TENM2: variants seen among roughly 807,000 people sequenced by gnomAD.
TENM2 encodes teneurin transmembrane protein 2, also known as teneurin-2.
TENM2 carries 52 observed loss-of-function variants against 245.2 expected under a neutral mutation model. That is an observed-to-expected ratio of 0.21 (90% confidence interval 0.17 to 0.27). The LOEUF is 0.27. Ranked by LOEUF, TENM2 falls within the 10% of genes least tolerant of loss-of-function variation. The probability of loss-of-function intolerance (pLI) is 1.00; values close to 1 mark genes in which losing one functional copy is unlikely to be tolerated. For missense variants in TENM2, 3,046 were observed against 3,666.8 expected, an observed-to-expected ratio of 0.83 and a Z score of 4.37; for synonymous variants, 1,363 against 1,438.9, an observed-to-expected ratio of 0.95 and a Z score of 1.19.
the TENM2 span, among the ~76,000 whole-genome samples, chr5:167,195,541 T>C: frequency 6.6e-6 from 1 of 152,018 alleles, no homozygotes; most frequent in African/African-American, 2.4e-5. Flanking sequence ...TGTACATGAA[T>C]AACGTGTTTC....
At chr5:167,131,459 G>A in the TENM2 span, among the ~76,000 whole-genome samples, 28 of 152,184 alleles carry the variant, frequency 1.8e-4, no homozygotes, top group Admixed American at 3.3e-4. Context: ...CTAGGGCTTT[G>A]ACGGAGGACA....
In TENM2 at chr5:167,321,800, T is replaced by TTTTTTTGG. The variant is rs1467480814; in HGVS notation, c.226+36738_226+36739insTTTTTGGT. Among the ~76,000 whole-genome samples the TTTTTTTGG allele has an allele frequency of 1.6e-3, 19 of 12,178 alleles. 2 individuals are homozygous for TTTTTTTGG. Among genetic ancestry groups the TTTTTTTGG allele is most frequent in the Non-Finnish European group, 2.4e-3 (14 of 5,814 alleles). The allele number at this position is 12,178 out of a possible 152,430, so 8.0% of individuals were successfully genotyped here. ...GCCTTGGCTTATTTTTTTTTTTTTT[T>TTTTTTTGG]TGGGGGGGGGGGCGGGGGGGGGGGT... On this transcript the variant is annotated intron_variant, in intron 1 of 28. Transcript: ENST00000518659.
chr5:167,357,630 T>G (rs189988987), intron 1 of TENM2, among the ~76,000 whole-genome samples: 1 of 152,288 alleles, frequency 6.6e-6, no homozygotes, highest in Non-Finnish European at 1.5e-5. Flanking sequence ...AAACTCAATA[T>G]AGTCACCACA....
the TENM2 span, among the ~76,000 whole-genome samples, chr5:167,182,254 AT>A: frequency 1.8e-4 from 28 of 151,572 alleles, no homozygotes; most frequent in South Asian, 6.3e-4. Context: ...ATTTATAATG[AT>A]TTTTTTTTCT....
chr5:167,724,948 T>C (rs993517016), intron 2 of TENM2, among the ~76,000 whole-genome samples: 1 of 152,170 alleles, frequency 6.6e-6, no homozygotes, highest in African/African-American at 2.4e-5. Context: ...CTTACCACTC[T>C]TCCTGGCACC....
chr5:168,070,705 C>G (rs1214582803), intron 7 of TENM2, among the ~76,000 whole-genome samples: 1 of 150,964 alleles, frequency 6.6e-6, no homozygotes, highest in Non-Finnish European at 1.5e-5. Flanking sequence ...GGGAGGATTG[C>G]TTGAGCCCAG....
intron 2 of TENM2, among the ~76,000 whole-genome samples, chr5:167,854,233 T>G (rs1168707531): frequency 6.6e-6 from 1 of 152,138 alleles, no homozygotes; most frequent in East Asian, 1.9e-4. Flanking sequence ...CCTCCCTAAA[T>G]TAACTGTGCC....
chr5:167,026,573 A>G, the TENM2 span, among the ~76,000 whole-genome samples: 2 of 152,136 alleles, frequency 1.3e-5, no homozygotes, highest in Non-Finnish European at 1.5e-5. Context: ...ATCCGTTTCA[A>G]TGTTAAATCT....
chr5:167,397,787 C>G (rs772461787), intron 2 of TENM2, among the ~76,000 whole-genome samples: 4 of 152,144 alleles, frequency 2.6e-5, no homozygotes, highest in Non-Finnish European at 1.5e-5. Flanking sequence ...TCTTTGTTTG[C>G]TTCTCTGAAA....
chr5:167,848,176 G>T (rs1770227033), intron 2 of TENM2, among the ~76,000 whole-genome samples: 1 of 152,160 alleles, frequency 6.6e-6, no homozygotes, highest in Admixed American at 6.5e-5. Flanking sequence ...GGCTGAGTAG[G>T]TCATGAGAGC....
intron 4 of TENM2, among the ~76,000 whole-genome samples, chr5:167,984,253 T>C (rs1562015337): frequency 1.3e-5 from 2 of 152,204 alleles, no homozygotes; most frequent in Non-Finnish European, 2.9e-5. Flanking sequence ...ATAATCATGA[T>C]GATGACAATG....
chr5:167,781,345 A>T (rs998700739), intron 2 of TENM2, among the ~76,000 whole-genome samples: 3 of 152,214 alleles, frequency 2.0e-5, no homozygotes, highest in African/African-American at 7.2e-5. Context: ...AGTGATGCAA[A>T]ATTTCCAAAT....
At chr5:168,116,983 G>A (rs1414162040) in intron 9 of TENM2, among the ~76,000 whole-genome samples, 1 of 152,196 alleles carries the variant, frequency 6.6e-6, no homozygotes, top group Non-Finnish European at 1.5e-5. Context: ...ATAGCCGGAG[G>A]ATTTTAGGCC....
Position 168,218,425 on chromosome 5 carries a change from C to T in TENM2, c.4534C>T (p.Leu1512Phe). 6.2e-7 allele frequency: 1 copy of T among 1,614,012 alleles called. No individual in the cohort carries two copies. Among genetic ancestry groups the T allele is most frequent in the Non-Finnish European group, 8.5e-7 (1 of 1,179,900 alleles). Residue 1512 changes from leucine (L) to phenylalanine (F), a missense_variant, in exon 23 of 29, where the codon CTT becomes TTT. Coordinates refer to ENST00000518659, the Ensembl canonical transcript of TENM2. This position sits in a 1 kb window ranked among gnomAD's most constrained non-coding sequence, Gnocchi z 5.2. ...GGTAACAACCAACGGGGAGATCTGC[C>T]TTTTAGCTGGGGCAGCCTCGGACTG...
the TENM2 span, among the ~76,000 whole-genome samples, chr5:167,233,894 G>A: frequency 3.3e-5 from 5 of 151,650 alleles, no homozygotes; most frequent in Admixed American, 1.3e-4. Context: ...ATTAATAAAC[G>A]ATCACAGCTC....
chr5:166,989,775 A>T, the TENM2 span, among the ~76,000 whole-genome samples: 1 of 150,894 alleles, frequency 6.6e-6, no homozygotes, highest in Non-Finnish European at 1.5e-5. Flanking sequence ...AGTGTGTCAG[A>T]GTGTGAACTT....
chr5:167,319,972 A>G (rs1756612555), intron 1 of TENM2, among the ~76,000 whole-genome samples: 1 of 152,212 alleles, frequency 6.6e-6, no homozygotes, highest in African/African-American at 2.4e-5. Flanking sequence ...CAGGCACTCT[A>G]CTAGCAGTAA....
intron 1 of TENM2, among the ~76,000 whole-genome samples, chr5:167,342,326 A>G (rs1758151150): frequency 6.6e-6 from 1 of 151,926 alleles, no homozygotes. Context: ...GATCTGTCTG[A>G]TATTTTTCTC....
At chr5:167,261,753 T>C in the TENM2 span, among the ~76,000 whole-genome samples, 1 of 152,340 alleles carries the variant, frequency 6.6e-6, no homozygotes, top group Non-Finnish European at 1.5e-5. Context: ...GATGTGCTTT[T>C]CTGGAATGTG....
Sources: gnomAD v4.1 joint callset for allele counts (sites outside exome capture counted in the v4.1 genomes callset) on GRCh38, gnomAD v4.1.1 for gene constraint, Gnocchi (gnomAD v3.1) non-coding constraint, MANE v1.5 for transcripts, NCBI Gene and HGNC (gene_info 2026-07-23, HGNC 2026-07-21) for gene names.